PPARA: variants seen among roughly 807,000 people sequenced by gnomAD.
PPARA encodes the protein peroxisome proliferator-activated receptor alpha.
PPARA carries 22 observed loss-of-function variants against 42.2 expected under a neutral mutation model. The ratio of observed to expected loss-of-function variants is 0.52; its 90% CI spans 0.37 to 0.74. The LOEUF (loss-of-function observed/expected upper bound fraction) is 0.74. Ranked by LOEUF, PPARA falls within the 30% of genes least tolerant of loss-of-function variation. PPARA has a pLI of 0.00. For synonymous variants in PPARA, 242 were observed against 239.3 expected (o/e 1.01, Z -0.10); for missense variants, 465 against 608.2 (o/e 0.76, Z 2.48).
intron 3 of PPARA, among the ~76,000 whole-genome samples, chr22:46,181,533 G>T (rs1929966507): frequency 6.6e-6 from 1 of 152,184 alleles, no homozygotes; most frequent in Non-Finnish European, 1.5e-5. Context: ...CTCCTCTGGG[G>T]TGCATGTTAA....
chr22:46,185,772 G>A (rs1482854360), intron 3 of PPARA, among the ~76,000 whole-genome samples: 1 of 148,652 alleles, frequency 6.7e-6, no homozygotes, highest in African/African-American at 2.5e-5. Flanking sequence ...GCAGCCGCCT[G>A]TAATTCCAGC....
intron 3 of PPARA, among the ~76,000 whole-genome samples, chr22:46,194,458 G>C (rs1335552246): frequency 1.3e-5 from 2 of 152,098 alleles, no homozygotes; most frequent in East Asian, 3.8e-4. Flanking sequence ...GGGATAAAAG[G>C]CATAGGCCAC....
At chr22:46,170,437 CG>C (rs529760650) in intron 2 of PPARA, among the ~76,000 whole-genome samples, 2 of 85,620 alleles carry the variant, frequency 2.3e-5, no homozygotes, top group South Asian at 6.7e-4. Context: ...TTTGTAGGGA[CG>C]GGGTTTTGTC....
rs926214769 is a variant in PPARA, at chr22:46,171,802, T to C, written c.-126-4951T>C. ...TCGGGGCCGTTGTGAGGACTCTGGT[T>C]TGTGTTGTGTGTGAAAGGCCATGGG... On this transcript the variant is annotated intron_variant, in intron 2 of 8. Transcript: ENST00000407236. The surrounding 1 kb of genome is among the most constrained non-coding windows in gnomAD (Gnocchi z 5.0). Among the ~76,000 whole-genome samples, 1 of 151,804 alleles carries C rather than the reference T, an allele frequency of 6.6e-6. No individual in the cohort carries two copies. Among genetic ancestry groups the C allele is most frequent in the African/African-American group, 2.4e-5 (1 of 41,298 alleles).
At chr22:46,172,412 T>C (rs1356287240) in intron 2 of PPARA, among the ~76,000 whole-genome samples, 1 of 150,798 alleles carries the variant, frequency 6.6e-6, no homozygotes, top group East Asian at 1.9e-4. Flanking sequence ...GTGGATCACC[T>C]GAAGTCAGGA....
rs1480773507 is a variant in PPARA, at chr22:46,188,845, A to G, written c.-42-9497A>G. The stretch of plus-strand genomic sequence containing the variant: ...CAGGTGCGTACTCATGTGTTCCACG[A>G]GTTCAAGCCTCAGCCCTGTAAAGTT... On this transcript the variant is annotated intron_variant, in intron 3 of 8. Transcript: ENST00000407236. This position sits in a 1 kb window ranked among gnomAD's most constrained non-coding sequence, Gnocchi z 5.0. 1 of 152,220 alleles carries G rather than the reference A, an allele frequency of 6.6e-6. No homozygotes were observed. Among genetic ancestry groups the G allele is most frequent in the Non-Finnish European group, 1.5e-5 (1 of 68,062 alleles). 9.4% of individuals were successfully genotyped at this position (152,220 alleles called of 1,614,324 possible).
intron 2 of PPARA, among the ~76,000 whole-genome samples, chr22:46,159,566 T>C (rs1925843051): frequency 6.6e-6 from 1 of 152,198 alleles, no homozygotes; most frequent in Non-Finnish European, 1.5e-5. Context: ...ATTCTCTTCT[T>C]TCCTTAGAAA....
rs574688315 is a variant in PPARA, at chr22:46,191,538, T to C, written c.-42-6804T>C. Among the ~76,000 whole-genome samples, 4 of 152,042 alleles carry C rather than the reference T, an allele frequency of 2.6e-5. No individual in the cohort carries two copies. The South Asian group carries it at 8.3e-4, about 32-fold the overall frequency. On this transcript the variant is annotated intron_variant, in intron 3 of 8. Coordinates refer to ENST00000407236, the MANE Select transcript of PPARA (RefSeq NM_005036.6). The surrounding 1 kb of genome is among the most constrained non-coding windows in gnomAD (Gnocchi z 4.6). ...CTTTGTTTTCCTGTCCCTGTGATGA[T>C]TAAAATTCACTCTGCAAATTAGATC...
Position 46,193,281 on chromosome 22 carries a change from G to C in PPARA, c.-42-5061G>C, listed in dbSNP as rs1476333789. On this transcript the variant is annotated intron_variant, in intron 3 of 8. Transcript: ENST00000407236. This position sits in a 1 kb window ranked among gnomAD's most constrained non-coding sequence, Gnocchi z 5.3. Reference sequence around the variant, plus strand: ...CGGGTTTCACCAGGTTGAACAGGCTGGTCTCAAACTCCTGACCTCAAGTGA... The same window carrying C: ...CGGGTTTCACCAGGTTGAACAGGCTCGTCTCAAACTCCTGACCTCAAGTGA... Among the ~76,000 whole-genome samples, 1 of 152,140 alleles carries C rather than the reference G, an allele frequency of 6.6e-6. No homozygotes were observed. The highest frequency in any genetic ancestry group is 1.5e-5 in the Non-Finnish European group (1 of 68,024).
At chr22:46,214,088 C>T (rs1934205525) in intron 4 of PPARA, among the ~76,000 whole-genome samples, 1 of 152,230 alleles carries the variant, frequency 6.6e-6, no homozygotes, top group Admixed American at 6.5e-5. Flanking sequence ...GTTGCCCACA[C>T]AGATTTTTAT....
In PPARA at chr22:46,207,668, A is replaced by ATTG. The variant is rs1219618915; in HGVS notation, c.209-7503_209-7502insGTT. Among the ~76,000 whole-genome samples the ATTG allele has an allele frequency of 4.3e-4, 34 of 79,746 alleles. 1 individual carries two copies. The East Asian group carries it at 9.1e-3, about 21-fold the overall frequency. The allele number at this position is 79,746 out of a possible 152,430, so 52.3% of individuals were successfully genotyped here. A position where few individuals can be genotyped will look rare whatever the true frequency, so the allele number is the denominator to read the frequency against. On this transcript the variant is annotated intron_variant, in intron 4 of 8. Transcript: ENST00000407236. ...ATTTATTATTATTATTATTATTATTATTATTATTATTTTTTTTTTTTTTTT... is the reference window on the plus strand; with the variant it reads ...ATTTATTATTATTATTATTATTATTATTGTTATTATTATTTTTTTTTTTTTTTT...
rs1490642521 is a variant in PPARA at position 46,222,681 on chromosome 22, G to C, written c.711+2667G>C. ...ATTAGTACAGCCCAAAATTGGGATG[G>C]CTAAAACTTTTGTTTGCCAGCTTAT... On this transcript the variant is annotated intron_variant, in intron 7 of 8. Coordinates refer to ENST00000407236, the MANE Select transcript of PPARA (RefSeq NM_005036.6). This position sits in a 1 kb window ranked among gnomAD's most constrained non-coding sequence, Gnocchi z 5.9. Among the ~76,000 whole-genome samples the C allele has an allele frequency of 2.0e-5, 3 of 152,122 alleles. No individual in the cohort carries two copies. Among genetic ancestry groups the C allele is most frequent in the African/African-American group, 7.2e-5 (3 of 41,428 alleles).
intron 4 of PPARA, among the ~76,000 whole-genome samples, chr22:46,213,703 C>T (rs1191161631): frequency 6.6e-6 from 1 of 152,068 alleles, no homozygotes; most frequent in Non-Finnish European, 1.5e-5. Context: ...CATTCTCCTG[C>T]CTCAGCCTCC....
rs748174597 is a variant in PPARA, at chr22:46,239,366, AG to A, written c.*3987del. 10 of 151,918 alleles carry A rather than the reference AG, an allele frequency of 6.6e-5. No individual in the cohort carries two copies. Among genetic ancestry groups the A allele is most frequent in the African/African-American group, 9.7e-5 (4 of 41,312 alleles). 9.4% of individuals were successfully genotyped at this position (151,918 alleles called of 1,614,324 possible). On this transcript the variant is annotated 3_prime_UTR_variant, in exon 9 of 9. Transcript: ENST00000407236. The stretch of plus-strand genomic sequence containing the variant: ...CAATGGACCATGTAACAAATACCTC[AG>A]CAGGCCCTGCAAAAGGCCATGCTAG...
At chr22:46,214,667 G>C (rs1265640117) in intron 4 of PPARA, among the ~76,000 whole-genome samples, 1 of 146,664 alleles carries the variant, frequency 6.8e-6, no homozygotes, top group Non-Finnish European at 1.5e-5. Flanking sequence ...CACGGGTCCG[G>C]AGACGCGCGG....
rs1458619716 is a variant in PPARA, at chr22:46,227,232, G to A, written c.712-4560G>A. On this transcript the variant is annotated intron_variant, in intron 7 of 8. Coordinates refer to ENST00000407236, the MANE Select transcript of PPARA (RefSeq NM_005036.6). The surrounding 1 kb of genome is among the most constrained non-coding windows in gnomAD (Gnocchi z 4.3). ...AATTTCATCCAAAGCAGTTCTACCA[G>A]TGCTTCACATTTATTTTTTATTTAT... 1.3e-5 allele frequency among the ~76,000 whole-genome samples: 2 copies of A among 151,902 alleles called. No individual in the cohort carries two copies. Among genetic ancestry groups the A allele is most frequent in the Non-Finnish European group, 2.9e-5 (2 of 67,996 alleles).
In PPARA at chr22:46,160,344, C is replaced by T. The variant is rs774194333; in HGVS notation, c.-127+8374C>T. Among the ~76,000 whole-genome samples, 68 of 152,012 alleles carry T rather than the reference C, an allele frequency of 4.5e-4. No homozygotes were observed. The highest frequency in any genetic ancestry group is 1.4e-3 in the African/African-American group (58 of 41,386). On this transcript the variant is annotated intron_variant, in intron 2 of 8. Transcript: ENST00000407236. This position sits in a 1 kb window ranked among gnomAD's most constrained non-coding sequence, Gnocchi z 4.5. ...TGGAGTCTCGCTCTGTCACCCAGGC[C>T]GGAGTGCAGTGGTGCGATCTCAGCT...
chr22:46,240,167 G>A lies in PPARA; in HGVS notation c.*4787G>A. On this transcript the variant is annotated 3_prime_UTR_variant, in exon 9 of 9. Coordinates refer to ENST00000407236, the MANE Select transcript of PPARA (RefSeq NM_005036.6). The surrounding 1 kb of genome is among the most constrained non-coding windows in gnomAD (Gnocchi z 6.0). ...AATGCAGATGCCACCAGGAGAACAT[G>A]CCCACAGCTCACCACCTATGGATGC... 2.5e-6 allele frequency: 1 copy of A among 398,698 alleles called. No homozygotes were observed. Among genetic ancestry groups the A allele is most frequent in the Non-Finnish European group, 4.4e-6 (1 of 226,162 alleles). The allele number at this position is 398,698 out of a possible 1,614,324, so 24.7% of individuals were successfully genotyped here.
chr22:46,225,789 CCCCA>C lies in PPARA; in HGVS notation c.711+5777_711+5780del, dbSNP rs1294257569. On this transcript the variant is annotated intron_variant, in intron 7 of 8. Coordinates refer to ENST00000407236, the MANE Select transcript of PPARA (RefSeq NM_005036.6). The surrounding 1 kb of genome is among the most constrained non-coding windows in gnomAD (Gnocchi z 4.1). ...TGCATGCACGTGTAAACACACACAC[CCCCA>C]CACATACACGTGCACCCACACATGC... is the stretch of plus-strand genomic sequence containing the variant. Among the ~76,000 whole-genome samples the C allele has an allele frequency of 6.8e-6, 1 of 146,664 alleles. No individual in the cohort carries two copies. Among genetic ancestry groups the C allele is most frequent in the Non-Finnish European group, 1.5e-5 (1 of 66,296 alleles).
Sources: allele counts gnomAD v4.1 joint callset (sites outside exome capture counted in the v4.1 genomes callset), GRCh38; gene constraint gnomAD v4.1.1; non-coding constraint Gnocchi (gnomAD v3.1); transcripts MANE v1.5; gene names NCBI Gene and HGNC (gene_info 2026-07-23, HGNC 2026-07-21).